Variants in AOPEP observed in about 807,000 individuals in gnomAD.
AOPEP encodes the protein aminopeptidase O.
Under a neutral mutation model 98.1 loss-of-function variants are expected in AOPEP, and 77 were observed. The observed-to-expected ratio is 0.78, with a 90% CI of 0.65 to 0.95. AOPEP has a LOEUF of 0.95. Ranked by LOEUF, AOPEP falls within the 40% of genes least tolerant of loss-of-function variation. The pLI is 0.00. For synonymous variants in AOPEP, 346 were observed against 365.3 expected, an observed-to-expected ratio of 0.95 and a Z score of 0.60; for missense variants, 1,024 against 1,024.7, an observed-to-expected ratio of 1.00 and a Z score of 0.01.
the AOPEP span, among the ~76,000 whole-genome samples, chr9:95,130,206 G>A: frequency 6.6e-6 from 1 of 152,012 alleles, no homozygotes; most frequent in Non-Finnish European, 1.5e-5. Flanking sequence ...CAAGCCACTT[G>A]CCACTTGAAA....
At chr9:95,107,955 C>G in the AOPEP span, among the ~76,000 whole-genome samples, 8 of 152,202 alleles carry the variant, frequency 5.3e-5, no homozygotes, top group African/African-American at 1.9e-4. Context: ...TGAGATGTTT[C>G]TGCTTGCTAC....
At chr9:94,835,095 A>G (rs962925362) in intron 5 of AOPEP, among the ~76,000 whole-genome samples, 1 of 152,180 alleles carries the variant, frequency 6.6e-6, no homozygotes, top group African/African-American at 2.4e-5. Flanking sequence ...TTGCTTTTCA[A>G]CAGAAATGCT....
chr9:94,923,879 G>A (rs748142763), intron 5 of AOPEP, 107 bp from the exon 6 acceptor site: 8 of 637,470 alleles, frequency 1.3e-5, no homozygotes, highest in Non-Finnish European at 1.9e-5. Flanking sequence ...GATCTAGCAT[G>A]CACATGATAA....
chr9:94,751,633 T>G (rs530357295), intron 1 of AOPEP, among the ~76,000 whole-genome samples: 2 of 152,166 alleles, frequency 1.3e-5, no homozygotes, highest in Non-Finnish European at 2.9e-5. Flanking sequence ...GCACATATTG[T>G]TAACCTCTCA....
At chr9:95,003,165 TGCGC>T (rs58360838) in intron 11 of AOPEP, among the ~76,000 whole-genome samples, 1 of 145,948 alleles carries the variant, frequency 6.9e-6, no homozygotes, top group Non-Finnish European at 1.5e-5. Context: ...TGTGTGTGTG[TGCGC>T]GCGCGCGCGC....
chr9:94,821,002 A>G (rs7035812), intron 5 of AOPEP, among the ~76,000 whole-genome samples: 4,145 of 152,300 alleles, frequency 0.027, 181 homozygotes, highest in African/African-American at 0.094. Flanking sequence ...AGGTTTCACT[A>G]ATTTTAACAA....
chr9:95,033,107 C>T (rs1306466919), intron 13 of AOPEP, among the ~76,000 whole-genome samples: 1 of 152,186 alleles, frequency 6.6e-6, no homozygotes, highest in Non-Finnish European at 1.5e-5. Flanking sequence ...CTAAGAATAG[C>T]TCCTGTGCTA....
At chr9:94,979,048 G>A (rs979233467) in intron 10 of AOPEP, among the ~76,000 whole-genome samples, 2 of 152,160 alleles carry the variant, frequency 1.3e-5, no homozygotes, top group Non-Finnish European at 2.9e-5. Context: ...CATGCCTGAT[G>A]TGTGCGATGA....
intron 2 of AOPEP, among the ~76,000 whole-genome samples, chr9:94,767,069 G>A (rs192150902): frequency 1.9e-4 from 29 of 152,220 alleles, no homozygotes; most frequent in African/African-American, 7.0e-4. Context: ...TTAAAAGAAT[G>A]AGCAGAAGAT....
intron 10 of AOPEP, among the ~76,000 whole-genome samples, chr9:94,978,854 T>A (rs897805680): frequency 4.6e-5 from 7 of 152,002 alleles, no homozygotes; most frequent in Admixed American, 6.6e-5. Flanking sequence ...GGGGCCCGGT[T>A]GAAAGGAGAC....
At chr9:95,082,431 G>A in intron 15 of AOPEP, 144 bp from the exon 16 acceptor site, 2 of 846,122 alleles carry the variant, frequency 2.4e-6, no homozygotes, top group Non-Finnish European at 3.5e-6. Context: ...AGCACAGTCA[G>A]CCCACGGCCT....
intron 5 of AOPEP, among the ~76,000 whole-genome samples, chr9:94,871,747 C>A (rs1211087172): frequency 6.6e-6 from 1 of 152,164 alleles, no homozygotes; most frequent in African/African-American, 2.4e-5. Context: ...TGGTTCACGC[C>A]TGTAATCCCA....
chr9:94,956,368 A>G (rs2137998851), intron 9 of AOPEP, among the ~76,000 whole-genome samples: 2 of 152,294 alleles, frequency 1.3e-5, no homozygotes, highest in Middle Eastern at 3.4e-3. Flanking sequence ...ACCCGGCTAA[A>G]CAGATCTGCA....
chr9:94,814,560 G>C (rs1396517488), intron 5 of AOPEP, among the ~76,000 whole-genome samples: 6 of 152,210 alleles, frequency 3.9e-5, no homozygotes, highest in Non-Finnish European at 5.9e-5. Context: ...TCTAGCTCTA[G>C]CTCCTTTTAC....
the AOPEP span, among the ~76,000 whole-genome samples, chr9:95,145,675 C>T: frequency 5.3e-5 from 8 of 152,110 alleles, no homozygotes; most frequent in South Asian, 2.1e-4. Flanking sequence ...GTGATACTGC[C>T]GCACGCACAT....
chr9:94,864,234 A>G (rs919415271), intron 5 of AOPEP, among the ~76,000 whole-genome samples: 2 of 152,192 alleles, frequency 1.3e-5, no homozygotes, highest in African/African-American at 4.8e-5. Flanking sequence ...GCATGGGGAG[A>G]CAATACACAG....
intron 13 of AOPEP, among the ~76,000 whole-genome samples, chr9:95,046,681 T>C (rs2065895984): frequency 6.6e-6 from 1 of 152,096 alleles, no homozygotes; most frequent in South Asian, 2.1e-4. Context: ...TTTGGGAGTG[T>C]TACATTTTCT....
intron 5 of AOPEP, among the ~76,000 whole-genome samples, chr9:94,878,192 CA>C (rs2047185268): frequency 6.6e-6 from 1 of 150,638 alleles, no homozygotes; most frequent in Non-Finnish European, 1.5e-5. Flanking sequence ...GCAAAAAGCA[CA>C]AGGCTTTCAT....
chr9:94,769,586 G>A (rs1840396595), intron 2 of AOPEP, among the ~76,000 whole-genome samples: 1 of 152,182 alleles, frequency 6.6e-6, no homozygotes, highest in East Asian at 1.9e-4. Context: ...TTAATGGGGT[G>A]TGGCTTTTAG....
Sources: allele counts gnomAD v4.1 joint callset (sites outside exome capture counted in the v4.1 genomes callset), GRCh38; gene constraint gnomAD v4.1.1; transcripts MANE v1.5; gene names NCBI Gene and HGNC (gene_info 2026-07-23, HGNC 2026-07-21).